Variants in AHCYL2 observed in about 807,000 individuals in gnomAD.
AHCYL2 encodes the protein adenosylhomocysteinase like 2.
In AHCYL2, 28 loss-of-function variants were observed where a neutral mutation model predicts 81.4. The ratio of observed to expected loss-of-function variants is 0.34; its 90% CI spans 0.25 to 0.47. The LOEUF (loss-of-function observed/expected upper bound fraction) is 0.47. AHCYL2 is among the 20% of genes least tolerant of loss of function. The pLI, the probability that AHCYL2 is intolerant of heterozygous loss-of-function variation, is 1.00. For synonymous variants in AHCYL2, 272 were observed against 290.2 expected, an observed-to-expected ratio of 0.94 and a Z score of 0.64; for missense variants, 551 against 785.1, an observed-to-expected ratio of 0.70 and a Z score of 3.56.
intron 6 of AHCYL2, among the ~76,000 whole-genome samples, chr7:129,401,514 G>A (rs1361011954): frequency 6.6e-6 from 1 of 152,208 alleles, no homozygotes; most frequent in Non-Finnish European, 1.5e-5. Context: ...CTCACTTGGT[G>A]CATGGCAGAG....
chr7:129,249,214 T>C (rs1795164822), intron 1 of AHCYL2, among the ~76,000 whole-genome samples: 2 of 152,044 alleles, frequency 1.3e-5, no homozygotes. Flanking sequence ...TCCAGGCTAG[T>C]GTCGAACTCC....
At chr7:129,381,735 T>A (rs1382697693) in intron 2 of AHCYL2, among the ~76,000 whole-genome samples, 2 of 152,188 alleles carry the variant, frequency 1.3e-5, no homozygotes, top group Non-Finnish European at 2.9e-5. Context: ...GTTGCCTGAT[T>A]TAGGGGTATC....
At chr7:129,272,671 A>C (rs1217030358) in intron 1 of AHCYL2, among the ~76,000 whole-genome samples, 1 of 152,158 alleles carries the variant, frequency 6.6e-6, no homozygotes, top group Non-Finnish European at 1.5e-5. Flanking sequence ...GACCATAGAA[A>C]ATGTATCTAA....
chr7:129,287,198 T>C (rs1796667131), intron 1 of AHCYL2, among the ~76,000 whole-genome samples: 1 of 152,164 alleles, frequency 6.6e-6, no homozygotes, highest in South Asian at 2.1e-4. Context: ...TATAAAATAA[T>C]AAGAGTAAAA....
chr7:129,352,787 C>A (rs1299175552), intron 1 of AHCYL2, among the ~76,000 whole-genome samples: 1 of 152,078 alleles, frequency 6.6e-6, no homozygotes, highest in South Asian at 2.1e-4. Context: ...TGTCTCTAAT[C>A]CATTTTCCAC....
chr7:129,352,132 A>G (rs1793588754), intron 1 of AHCYL2, among the ~76,000 whole-genome samples: 2 of 152,070 alleles, frequency 1.3e-5, no homozygotes, highest in Non-Finnish European at 2.9e-5. Flanking sequence ...AGCATTCCTG[A>G]TTGTTTGAGT....
intron 1 of AHCYL2, among the ~76,000 whole-genome samples, chr7:129,251,909 T>A (rs1795262120): frequency 6.6e-6 from 1 of 152,210 alleles, no homozygotes; most frequent in African/African-American, 2.4e-5. Context: ...GTTTCTAGAA[T>A]CTTTTTGAGT....
chr7:129,361,964 TGA>T (rs1285798032), intron 1 of AHCYL2, among the ~76,000 whole-genome samples: 1 of 152,172 alleles, frequency 6.6e-6, no homozygotes, highest in East Asian at 1.9e-4. Context: ...ATTTTACAGA[TGA>T]GAAAACTGAG....
chr7:129,340,352 G>A (rs1474555583), intron 1 of AHCYL2, among the ~76,000 whole-genome samples: 4 of 151,156 alleles, frequency 2.6e-5, no homozygotes, highest in Non-Finnish European at 5.9e-5. Flanking sequence ...CGGATCACGA[G>A]GTCAGGACAT....
At chr7:129,383,454 C>T (rs1795057760) in intron 2 of AHCYL2, among the ~76,000 whole-genome samples, 1 of 152,076 alleles carries the variant, frequency 6.6e-6, no homozygotes, top group Non-Finnish European at 1.5e-5. Context: ...GCCATGGCAC[C>T]CAGCCCATAG....
intron 1 of AHCYL2, among the ~76,000 whole-genome samples, chr7:129,233,019 T>C (rs1405418008): frequency 1.3e-5 from 2 of 152,230 alleles, no homozygotes; most frequent in Non-Finnish European, 1.5e-5. Flanking sequence ...CTGGCACTCA[T>C]GGAGCTGAGA....
At position 129,406,543 on chromosome 7, in the gene AHCYL2, A is replaced by G; in HGVS notation, c.1295+77A>G. On this transcript the variant is annotated intron_variant, in intron 10 of 16. Coordinates refer to ENST00000325006, the MANE Select transcript of AHCYL2 (RefSeq NM_015328.4). The surrounding 1 kb of genome is among the most constrained non-coding windows in gnomAD (Gnocchi z 4.3). Reference sequence around the variant, plus strand: ...AATGGCCTGGTTGATGCCACACTTTATTTTAGAGGAGCCCAGATCCTCAGA... The same window carrying G: ...AATGGCCTGGTTGATGCCACACTTTGTTTTAGAGGAGCCCAGATCCTCAGA... 7.3e-7 allele frequency: 1 copy of G among 1,378,114 alleles called. No individual in the cohort carries two copies. The highest frequency in any genetic ancestry group is 1.2e-5 in the South Asian group (1 of 85,952). The allele number at this position is 1,378,114 out of a possible 1,614,324, so 85.4% of individuals were successfully genotyped here. A position where few individuals can be genotyped will look rare whatever the true frequency, so the allele number is the denominator to read the frequency against.
chr7:129,305,319 G>A (rs2150768341), intron 1 of AHCYL2, among the ~76,000 whole-genome samples: 1 of 152,250 alleles, frequency 6.6e-6, no homozygotes, highest in East Asian at 1.9e-4. Flanking sequence ...AATTAGCTGA[G>A]CATGGTGGCA....
At chr7:129,327,167 T>C (rs935196828) in intron 1 of AHCYL2, among the ~76,000 whole-genome samples, 1 of 151,778 alleles carries the variant, frequency 6.6e-6, no homozygotes, top group Non-Finnish European at 1.5e-5. Context: ...CTTTGGGAGG[T>C]AGTTAGGTTT....
At chr7:129,414,899 G>A (rs1163117676) in intron 12 of AHCYL2, among the ~76,000 whole-genome samples, 1 of 152,128 alleles carries the variant, frequency 6.6e-6, no homozygotes, top group Non-Finnish European at 1.5e-5. Context: ...GCATTGCCAG[G>A]TAAGGACCAG....
intron 1 of AHCYL2, among the ~76,000 whole-genome samples, chr7:129,295,162 T>G (rs963689957): frequency 5.9e-5 from 9 of 152,226 alleles, no homozygotes; most frequent in African/African-American, 2.2e-4. Context: ...CCTCTTTCTC[T>G]GAAAGGGAAT....
intron 1 of AHCYL2, among the ~76,000 whole-genome samples, chr7:129,257,703 T>C (rs1795475324): frequency 6.6e-6 from 1 of 152,176 alleles, no homozygotes; most frequent in Non-Finnish European, 1.5e-5. Context: ...TTTGTTCTTG[T>C]GGAAAGTAAT....
At chr7:129,394,440 C>CTTTTTTTTTTTT (rs35797517) in intron 4 of AHCYL2, among the ~76,000 whole-genome samples, 3 of 45,738 alleles carry the variant, frequency 6.6e-5, no homozygotes, top group Admixed American at 3.8e-4. Context: ...TTGTATTTGA[C>CTTTTTTTTTTTT]TTTTTTTTTT....
chr7:129,228,839 G>A (rs1360598854), intron 1 of AHCYL2, among the ~76,000 whole-genome samples: 1 of 152,198 alleles, frequency 6.6e-6, no homozygotes, highest in Non-Finnish European at 1.5e-5. Flanking sequence ...CTTTGTTGCT[G>A]TCAGGAGAGA....
Sources: gnomAD v4.1 joint callset for allele counts (sites outside exome capture counted in the v4.1 genomes callset) on GRCh38, gnomAD v4.1.1 for gene constraint, Gnocchi (gnomAD v3.1) non-coding constraint, MANE v1.5 for transcripts, NCBI Gene and HGNC (gene_info 2026-07-23, HGNC 2026-07-21) for gene names.